The following DLGAP1 variants were observed in gnomAD, a reference collection of about 807,000 sequenced individuals.
The protein encoded by DLGAP1 is DLG associated protein 1.
In DLGAP1, 11 loss-of-function variants were observed where a neutral mutation model predicts 90.8. That is an observed-to-expected ratio of 0.12 (90% CI 0.08 to 0.20). The LOEUF (loss-of-function observed/expected upper bound fraction) is 0.20. DLGAP1 is among the 10% of genes least tolerant of loss of function. The pLI is 1.00. For synonymous variants in DLGAP1, 558 were observed against 540.7 expected, an observed-to-expected ratio of 1.03 and a Z score of -0.44; for missense variants, 1,050 against 1,333.8, an observed-to-expected ratio of 0.79 and a Z score of 3.31.
chr18:3,866,169 T>C (rs964228723), intron 4 of DLGAP1, among the ~76,000 whole-genome samples: 15 of 152,166 alleles, frequency 9.9e-5, no homozygotes, highest in Non-Finnish European at 1.8e-4. Flanking sequence ...CCAGGATCAA[T>C]TGCTGTCTTT....
rs181022640 is a variant in DLGAP1 at position 3,993,441 on chromosome 18, G to A, written c.-73+11675C>T. Among the ~76,000 whole-genome samples, 16 of 152,124 alleles carry A rather than the reference G, an allele frequency of 1.1e-4. 2 individuals carry two copies. The highest frequency in any genetic ancestry group is 3.9e-4 in the African/African-American group (16 of 41,498). On this transcript the variant is annotated intron_variant, in intron 3 of 12. Coordinates refer to ENST00000315677, the MANE Select transcript of DLGAP1 (RefSeq NM_004746.4). ...CAGCGGTCATTTAATGACAGACTTA[G>A]AATGTGTGCTAAGAATGAAACCATT...
rs371281079 is a variant in DLGAP1, at chr18:4,028,467, A to G, written c.-158-23266T>C. Among the ~76,000 whole-genome samples, 77 of 152,346 alleles carry G rather than the reference A, an allele frequency of 5.1e-4. 1 individual carries two copies. In the South Asian group the frequency reaches 0.016, roughly 31 times the overall value. Reference sequence around the variant, plus strand: ...TAAAAAAGCAGGCACAGGGCACATCACGCCAAATGTTGAAATGATCAAACT... The same window carrying G: ...TAAAAAAGCAGGCACAGGGCACATCGCGCCAAATGTTGAAATGATCAAACT... On this transcript the variant is annotated intron_variant, in intron 2 of 12. Transcript: ENST00000315677.
At chr18:4,281,663 AGTG>A (rs1159309097) in intron 1 of DLGAP1, among the ~76,000 whole-genome samples, 1 of 152,184 alleles carries the variant, frequency 6.6e-6, no homozygotes, top group East Asian at 1.9e-4. Flanking sequence ...CACAACACCA[AGTG>A]AAGAGAATAT....
chr18:3,748,640 C>T (rs535942827), intron 5 of DLGAP1, among the ~76,000 whole-genome samples: 114 of 152,254 alleles, frequency 7.5e-4, no homozygotes, highest in African/African-American at 2.4e-3. Flanking sequence ...CATTGTATTT[C>T]AAAAATGAAC....
At chr18:4,361,648 C>T (rs1311433846) in intron 1 of DLGAP1, among the ~76,000 whole-genome samples, 2 of 151,982 alleles carry the variant, frequency 1.3e-5, no homozygotes, top group Admixed American at 1.3e-4. Context: ...AATTATAAAC[C>T]CTTAACGATA....
At chr18:3,910,642 A>G (rs1020447724) in intron 3 of DLGAP1, among the ~76,000 whole-genome samples, 3 of 152,112 alleles carry the variant, frequency 2.0e-5, no homozygotes, top group African/African-American at 7.2e-5. Flanking sequence ...AAAGGGCAAA[A>G]TTGGCGATTC....
At chr18:3,620,633 C>T (rs1213361078) in intron 7 of DLGAP1, among the ~76,000 whole-genome samples, 2 of 152,106 alleles carry the variant, frequency 1.3e-5, no homozygotes, top group Non-Finnish European at 2.9e-5. Flanking sequence ...TCTCAACTCA[C>T]TGCAACCTCT....
At chr18:3,875,779 G>A (rs780342011) in intron 4 of DLGAP1, among the ~76,000 whole-genome samples, 5 of 152,040 alleles carry the variant, frequency 3.3e-5, no homozygotes, top group Non-Finnish European at 7.4e-5. Context: ...TGTAATTTAC[G>A]AGTTTGAAAA....
chr18:3,969,497 G>C (rs551655548), intron 3 of DLGAP1, among the ~76,000 whole-genome samples: 2 of 152,066 alleles, frequency 1.3e-5, no homozygotes, highest in Non-Finnish European at 2.9e-5. Flanking sequence ...GCTTGTTCTC[G>C]AAACAAAATA....
In DLGAP1 at chr18:3,581,941, G is replaced by A. The variant is rs117400404; in HGVS notation, c.1899C>T (p.Thr633=). ...ATVTTTTTIA[T]VTTEDRKKDH... ...CCTTCTTCCTGTCCTCCGTGGTGAC[G>A]GTGGCTATGGTAGTCGTGGTGGTGA... The change falls in exon 8 of 13, where the codon ACC becomes ACT. Residue 633 remains threonine (T), a synonymous_variant. Coordinates refer to ENST00000315677, the MANE Select transcript of DLGAP1 (RefSeq NM_004746.4). 1.7e-5 allele frequency: 27 copies of A among 1,614,110 alleles called. No homozygotes were observed. The East Asian group carries it at 2.2e-4, about 13-fold the overall frequency.
rs897967428 is a variant in DLGAP1, at chr18:4,084,127, C to T, written c.-159+67053G>A. 6.6e-6 allele frequency among the ~76,000 whole-genome samples: 1 copy of T among 152,168 alleles called. No individual in the cohort carries two copies. The highest frequency in any genetic ancestry group is 2.4e-5 in the African/African-American group (1 of 41,444). On this transcript the variant is annotated intron_variant, in intron 2 of 12. Transcript: ENST00000315677. This position sits in a 1 kb window ranked among gnomAD's most constrained non-coding sequence, Gnocchi z 4.0. ...CCCCCAAACTCCTCAAAAAGATGGACTTGAGGTTTCCTCCCATCTCCTGTT... is the reference window on the plus strand; with the variant it reads ...CCCCCAAACTCCTCAAAAAGATGGATTTGAGGTTTCCTCCCATCTCCTGTT...
chr18:3,741,149 A>ACCATCACC (rs2062966311), intron 6 of DLGAP1, among the ~76,000 whole-genome samples: 1 of 94,198 alleles, frequency 1.1e-5, no homozygotes, highest in Non-Finnish European at 2.1e-5. Flanking sequence ...CACCATCACC[A>ACCATCACC]TCACCACCAC....
chr18:4,054,233 C>T (rs532243451), intron 2 of DLGAP1, among the ~76,000 whole-genome samples: 3 of 152,264 alleles, frequency 2.0e-5, no homozygotes, highest in Non-Finnish European at 2.9e-5. Context: ...ACCATGGGAG[C>T]CCCATGAGGG....
chr18:4,400,491 G>C (rs1202988510), intron 1 of DLGAP1, among the ~76,000 whole-genome samples: 1 of 152,218 alleles, frequency 6.6e-6, no homozygotes, highest in Admixed American at 6.5e-5. Context: ...AAACTGTCAG[G>C]TTGGCTCTTT....
intron 1 of DLGAP1, among the ~76,000 whole-genome samples, chr18:4,182,577 C>T (rs2077227334): frequency 6.6e-6 from 1 of 152,098 alleles, no homozygotes; most frequent in African/African-American, 2.4e-5. Context: ...CAAGCCACCT[C>T]TTTGAAAATT....
intron 1 of DLGAP1, among the ~76,000 whole-genome samples, chr18:4,277,457 G>A (rs1760787860): frequency 6.6e-6 from 1 of 152,200 alleles, no homozygotes; most frequent in South Asian, 2.1e-4. Flanking sequence ...TTAGCATTCT[G>A]AAAGTAAGAA....
chr18:3,997,705 A>C (rs2074098794), intron 3 of DLGAP1, among the ~76,000 whole-genome samples: 1 of 152,048 alleles, frequency 6.6e-6, no homozygotes, highest in Non-Finnish European at 1.5e-5. Context: ...AAAACATTAA[A>C]ATTAAAATTA....
chr18:3,893,325 C>T lies in DLGAP1; in HGVS notation c.-72-13185G>A, dbSNP rs540350234. On this transcript the variant is annotated intron_variant, in intron 3 of 12. Coordinates refer to ENST00000315677, the MANE Select transcript of DLGAP1 (RefSeq NM_004746.4). ...GGTGTGGTGGCTCATGCCTGTAATTCCAGCGCTTTGGGAGGCTGAGGCGGG... is the reference window on the plus strand; with the variant it reads ...GGTGTGGTGGCTCATGCCTGTAATTTCAGCGCTTTGGGAGGCTGAGGCGGG... Among the ~76,000 whole-genome samples, 3 of 152,064 alleles carry T rather than the reference C, an allele frequency of 2.0e-5. No homozygotes were observed. In the East Asian group the frequency reaches 5.8e-4, roughly 29 times the overall value.
chr18:3,575,973 A>G (rs752109760), intron 8 of DLGAP1, among the ~76,000 whole-genome samples: 35 of 152,194 alleles, frequency 2.3e-4, no homozygotes, highest in Non-Finnish European at 2.9e-5. Context: ...TTTAACACAC[A>G]TGCTGATTGA....
Sources: gnomAD v4.1 joint callset for allele counts (sites outside exome capture counted in the v4.1 genomes callset) on GRCh38, gnomAD v4.1.1 for gene constraint, Gnocchi (gnomAD v3.1) non-coding constraint, MANE v1.5 for transcripts, NCBI Gene and HGNC (gene_info 2026-07-23, HGNC 2026-07-21) for gene names.